Variants in CFLAR observed in about 807,000 individuals in gnomAD.
CFLAR encodes CASP8 and FADD-like apoptosis regulator.
A neutral mutation model predicts 51.1 loss-of-function variants in CFLAR; 14 were observed. That is an observed-to-expected ratio of 0.27 (90% CI 0.18 to 0.43). The LOEUF (loss-of-function observed/expected upper bound fraction) is 0.43, where lower values mean the gene tolerates loss of function less well. Among genes scored for constraint, CFLAR ranks in the 20% least tolerant of loss-of-function variants. CFLAR has a pLI of 1.00. For synonymous variants in CFLAR, 210 were observed against 211.6 expected (o/e 0.99, Z 0.06); for missense variants, 390 against 566.5 (o/e 0.69, Z 3.16).
In CFLAR at chr2:201,138,422, T is replaced by C. The variant is rs984853931; in HGVS notation, c.524-1935T>C. The C allele has an allele frequency of 6.2e-6, 5 of 802,080 alleles. No homozygotes were observed. The highest frequency in any genetic ancestry group is 5.0e-5 in the African/African-American group (3 of 59,570). 49.7% of individuals were successfully genotyped at this position (802,080 alleles called of 1,614,324 possible). ...AATGGCCACCAGCTCATCGCGATCA[T>C]TGACGATAGGCAGCTTCCTTTCTTA... On this transcript the variant is annotated intron_variant, in intron 4 of 9. Transcript: ENST00000309955. This position sits in a 1 kb window ranked among gnomAD's most constrained non-coding sequence, Gnocchi z 4.0.
In CFLAR at chr2:201,140,455, A is replaced by T; in HGVS notation, c.606+16A>T. The T allele has an allele frequency of 6.4e-7, 1 of 1,569,926 alleles. No homozygotes were observed. Among genetic ancestry groups the T allele is most frequent in the Non-Finnish European group, 8.6e-7 (1 of 1,160,140 alleles). ...TAACTTCAGGGTGAGTCTGGAGAAA[A>T]CATATGGAATCCCAGCATGAAACCG... On this transcript the variant is annotated intron_variant, in intron 5 of 9. Transcript: ENST00000309955.
intron 8 of CFLAR, among the ~76,000 whole-genome samples, chr2:201,158,670 A>G (rs1942575221): frequency 1.3e-5 from 2 of 152,110 alleles, no homozygotes; most frequent in Non-Finnish European, 2.9e-5. Flanking sequence ...GCACCCTCAG[A>G]GGAGATGGCT....
chr2:201,135,788 C>T (rs2050026761), intron 3 of CFLAR, among the ~76,000 whole-genome samples, 184 bp from the exon 4 acceptor site: 1 of 152,080 alleles, frequency 6.6e-6, no homozygotes, highest in South Asian at 2.1e-4. Context: ...ACACACTCAG[C>T]TTATTTTTTT....
intron 8 of CFLAR, among the ~76,000 whole-genome samples, chr2:201,155,847 A>G (rs1942089495): frequency 6.6e-6 from 1 of 151,742 alleles, no homozygotes. Flanking sequence ...CTGGTCTCAA[A>G]CTTCTGGGCT....
At position 201,160,898 on chromosome 2, in the gene CFLAR, A is replaced by G. The variant is rs1594; in HGVS notation, c.1260A>G (p.Pro420=). 0.49 allele frequency: 790,930 copies of G among 1,610,572 alleles called. 198,259 individuals carry two copies. The highest frequency in any genetic ancestry group is 0.52 in the Non-Finnish European group (610,742 of 1,177,242). The stretch of plus-strand genomic sequence containing the variant: ...TGCTGGAGCAGTCTCACAGCTCACC[A>G]TCCCTGTACCTGCAGTGCCTCTCCC... ...MSLLEQSHSS[P]SLYLQCLSQK... Residue 420 remains proline (P), a synonymous_variant, in exon 9 of 10, where the codon CCA becomes CCG. Transcript: ENST00000309955.
Position 201,163,591 on chromosome 2 carries a change from G to A in CFLAR, c.1305-244G>A, listed in dbSNP as rs533133129. 1.3e-4 allele frequency: 162 copies of A among 1,294,994 alleles called. 1 individual carries two copies. In the African/African-American group the frequency reaches 2.2e-3, roughly 17 times the overall value. The allele number at this position is 1,294,994 out of a possible 1,614,324, so 80.2% of individuals were successfully genotyped here. A position where few individuals can be genotyped will look rare whatever the true frequency, so the allele number is the denominator to read the frequency against. On this transcript the variant is annotated intron_variant, in intron 9 of 9. Coordinates refer to ENST00000309955, the MANE Select transcript of CFLAR (RefSeq NM_003879.7). ...ATCCCCATTTGCATAGATGATCCACGTGGGTTATCATCTGGCTGGTATGTT... is the reference window on the plus strand; with the variant it reads ...ATCCCCATTTGCATAGATGATCCACATGGGTTATCATCTGGCTGGTATGTT...
chr2:201,133,192 CT>C (rs2049555528), intron 3 of CFLAR, 58 bp downstream of exon 3: 1 of 1,252,642 alleles, frequency 8.0e-7, no homozygotes, highest in East Asian at 2.4e-5. Flanking sequence ...GGGAGCTACT[CT>C]TGTTGATACA....
In CFLAR at chr2:201,167,416, G is replaced by C. The variant is rs1421041965; in HGVS notation, c.*3443G>C. ...GCTACTTGGGAGGCTGAAGTGAGTG[G>C]ATCCCCTGAGCCCAGAGAGGTCAAG... On this transcript the variant is annotated 3_prime_UTR_variant, in exon 10 of 10. Transcript: ENST00000309955. The C allele has an allele frequency of 1.3e-5, 2 of 152,178 alleles. No individual in the cohort carries two copies. Among genetic ancestry groups the C allele is most frequent in the Non-Finnish European group, 2.9e-5 (2 of 68,092 alleles). 9.4% of individuals were successfully genotyped at this position (152,178 alleles called of 1,614,324 possible).
Position 201,160,884 on chromosome 2 carries a change from T to G in CFLAR, c.1246T>G (p.Ser416Ala), listed in dbSNP as rs1942907743. The part of the protein sequence containing the change: ...CTADMSLLEQ[S>A]HSSPSLYLQC... ...TGCGGACATGTCCCTGCTGGAGCAG[T>G]CTCACAGCTCACCATCCCTGTACCT... is the stretch of plus-strand genomic sequence containing the variant. The change falls in exon 9 of 10, where the codon TCT becomes GCT. Residue 416 changes from serine to alanine, a missense_variant. This residue lies in a region of CFLAR where 287 missense variants were observed against 363.6 expected (regional missense o/e 0.79). Transcript: ENST00000309955. 6.2e-7 allele frequency: 1 copy of G among 1,612,040 alleles called. No individual in the cohort carries two copies. Among genetic ancestry groups the G allele is most frequent in the Non-Finnish European group, 8.5e-7 (1 of 1,178,896 alleles).
rs974938694 is a variant in CFLAR at position 201,165,684 on chromosome 2, A to C, written c.*1711A>C. On this transcript the variant is annotated 3_prime_UTR_variant, in exon 10 of 10. Coordinates refer to ENST00000309955, the MANE Select transcript of CFLAR (RefSeq NM_003879.7). ...GTGGAGGGAAGGTCAGCAGATAAACAAGTGAACAAAGGTCTCTGGTTTTCC... is the reference window on the plus strand; with the variant it reads ...GTGGAGGGAAGGTCAGCAGATAAACCAGTGAACAAAGGTCTCTGGTTTTCC... 6.5e-6 allele frequency: 1 copy of C among 154,276 alleles called. No homozygotes were observed. Among genetic ancestry groups the C allele is most frequent in the African/African-American group, 2.4e-5 (1 of 41,416 alleles). 9.6% of individuals were successfully genotyped at this position (154,276 alleles called of 1,614,324 possible).
intron 4 of CFLAR, chr2:201,136,670 GC>G: frequency 9.6e-7 from 1 of 1,044,640 alleles, no homozygotes; most frequent in Non-Finnish European, 1.3e-6. Flanking sequence ...CAAGTTCACT[GC>G]CACCATAGCA....
intron 4 of CFLAR, chr2:201,137,268 A>G (rs2050260266): frequency 8.3e-6 from 2 of 239,684 alleles, no homozygotes; most frequent in Non-Finnish European, 1.7e-5. Context: ...ACAGGGCCTG[A>G]GAGCCCAGCT....
chr2:201,122,073 T>A (rs1218480172), intron 1 of CFLAR, among the ~76,000 whole-genome samples: 2 of 152,258 alleles, frequency 1.3e-5, no homozygotes, highest in African/African-American at 4.8e-5. Flanking sequence ...TGAACTCAGT[T>A]ATTGCTGAAG....
rs1389320558 is a variant in CFLAR, at chr2:201,118,031, A to T, written c.-138+1550A>T. ...CGGCATCCCAAAGTGCTGGGATTAC[A>T]GGCGTGAGCCACCATGCCCGGCCCA... On this transcript the variant is annotated intron_variant, in intron 1 of 9. Coordinates refer to ENST00000309955, the MANE Select transcript of CFLAR (RefSeq NM_003879.7). This position sits in a 1 kb window ranked among gnomAD's most constrained non-coding sequence, Gnocchi z 5.1. Among the ~76,000 whole-genome samples, 1 of 152,206 alleles carries T rather than the reference A, an allele frequency of 6.6e-6. No homozygotes were observed. The highest frequency in any genetic ancestry group is 2.4e-5 in the African/African-American group (1 of 41,458).
At chr2:201,145,712 A>G in intron 6 of CFLAR, 1 of 343,606 alleles carries the variant, frequency 2.9e-6, no homozygotes, top group Non-Finnish European at 5.4e-6. Flanking sequence ...TGGAGCTCTA[A>G]TCAGGCCATG....
At chr2:201,130,187 G>GGGGGGGTGGGCCCA in intron 2 of CFLAR, 41 bp downstream of exon 2, 1 of 292,394 alleles carries the variant, frequency 3.4e-6, no homozygotes, top group Non-Finnish European at 7.1e-6. Flanking sequence ...GGGTGGGAGG[G>GGGGGGGTGGGCCCA]AGTGAAGTGT....
intron 9 of CFLAR, chr2:201,163,247 G>A (rs1416098780): frequency 1.5e-6 from 2 of 1,297,360 alleles, no homozygotes; most frequent in Non-Finnish European, 2.0e-6. Flanking sequence ...AATGTTTATT[G>A]GCAAGAATAC....
chr2:201,149,079 A>G, intron 7 of CFLAR, 27 bp downstream of exon 7: 2 of 1,499,908 alleles, frequency 1.3e-6, no homozygotes, highest in East Asian at 4.5e-5. Context: ...CTGATTTGGT[A>G]TTATATGTAC....
At chr2:201,161,093 T>C in intron 9 of CFLAR, 151 bp downstream of exon 9, 1 of 596,386 alleles carries the variant, frequency 1.7e-6, no homozygotes, top group Non-Finnish European at 3.0e-6. Context: ...AGGACTACAG[T>C]ATAGACCCGG....
Sources: gnomAD v4.1 joint callset for allele counts (sites outside exome capture counted in the v4.1 genomes callset) on GRCh38, gnomAD v4.1.1 for gene constraint, gnomAD v4.1.1 regional missense constraint, Gnocchi (gnomAD v3.1) non-coding constraint, MANE v1.5 for transcripts, NCBI Gene and HGNC (gene_info 2026-07-23, HGNC 2026-07-21) for gene names.